The following CRAMP1 variants were observed in gnomAD, a reference collection of about 807,000 sequenced individuals.
CRAMP1 encodes the protein cramped chromatin regulator 1.
A neutral mutation model predicts 115.4 loss-of-function variants in CRAMP1; 50 were observed. The observed-to-expected ratio is 0.43, with a 90% confidence interval of 0.35 to 0.55. The LOEUF (loss-of-function observed/expected upper bound fraction) is 0.55. CRAMP1 is among the 20% of genes least tolerant of loss of function. The probability of loss-of-function intolerance (pLI) is 0.01; values close to 1 mark genes in which losing one functional copy is unlikely to be tolerated. For missense variants in CRAMP1, 1,679 were observed against 1,721.7 expected (o/e 0.98, Z 0.44); for synonymous variants, 866 against 745.4 (o/e 1.16, Z -2.64).
chr16:1,615,243 C>A (rs2036408603), intron 2 of CRAMP1, among the ~76,000 whole-genome samples: 1 of 152,330 alleles, frequency 6.6e-6, no homozygotes, highest in South Asian at 2.1e-4. Context: ...TCCCTTAAAG[C>A]TGTTTCCTTT....
At chr16:1,654,108 C>T (rs1423039578) in intron 8 of CRAMP1, among the ~76,000 whole-genome samples, 1 of 148,304 alleles carries the variant, frequency 6.7e-6, no homozygotes, top group Non-Finnish European at 1.5e-5. Flanking sequence ...GCGCCCCTGC[C>T]CTCCAGCCTG....
At position 1,669,060 on chromosome 16, in the gene CRAMP1, C is replaced by G; in HGVS notation, c.3394C>G (p.Pro1132Ala). 1 of 1,612,618 alleles carries G rather than the reference C, an allele frequency of 6.2e-7. No homozygotes were observed. Among genetic ancestry groups the G allele is most frequent in the Non-Finnish European group, 8.5e-7 (1 of 1,179,370 alleles). The change falls in exon 19 of 21, where the codon CCC (proline) becomes GCC (alanine). Residue 1132 changes from proline to alanine, a missense_variant. Pro to Ala is a conservative substitution (Grantham distance 27). Around this residue, in one of 8 missense-constraint regions of CRAMP1, gnomAD observed 709 missense variants for 741.9 expected, o/e 0.96. Coordinates refer to ENST00000397412, the MANE Select transcript of CRAMP1 (RefSeq NM_020825.4). This position sits in a 1 kb window ranked among gnomAD's most constrained non-coding sequence, Gnocchi z 4.6. ...LNGSDSSKSLPSPSSSPQPHW... is the reference protein window; with the variant it reads ...LNGSDSSKSLASPSSSPQPHW... Reference sequence around the variant, plus strand: ...TGGCAGTGACAGTTCCAAGAGCCTTCCCTCCCCGTCCAGCAGCCCCCAGCC... The same window carrying G: ...TGGCAGTGACAGTTCCAAGAGCCTTGCCTCCCCGTCCAGCAGCCCCCAGCC...
chr16:1,619,183 TTTTTG>T (rs1408496821), intron 2 of CRAMP1, among the ~76,000 whole-genome samples: 1 of 152,144 alleles, frequency 6.6e-6, no homozygotes, highest in African/African-American at 2.4e-5. Context: ...TTGTTTTTTG[TTTTTG>T]TTTTGTTTTT....
At chr16:1,642,633 G>A (rs1424285958) in intron 6 of CRAMP1, among the ~76,000 whole-genome samples, 1 of 152,198 alleles carries the variant, frequency 6.6e-6, no homozygotes, top group African/African-American at 2.4e-5. Flanking sequence ...GAGCAGCACT[G>A]GGCACATTGG....
rs910552098 is a variant in CRAMP1 at position 1,673,861 on chromosome 16, C to T, written c.3646-20C>T. 1 of 1,613,086 alleles carries T rather than the reference C, an allele frequency of 6.2e-7. No individual in the cohort carries two copies. Among genetic ancestry groups the T allele is most frequent in the Non-Finnish European group, 8.5e-7 (1 of 1,179,418 alleles). ...CAGCAGGTCGCGGTGACTTGTTCTT[C>T]CTGTCTCCTCTTCCTGCAGGTTGTG... On this transcript the variant is annotated intron_variant, in intron 20 of 20. Transcript: ENST00000397412.
Position 1,667,506 on chromosome 16 carries a change from A to C in CRAMP1, c.3102+106A>C. The C allele has an allele frequency of 8.1e-6, 7 of 859,624 alleles. No homozygotes were observed. The South Asian group carries it at 9.8e-5, about 12-fold the overall frequency. The allele number at this position is 859,624 out of a possible 1,614,324, so 53.2% of individuals were successfully genotyped here. A position where few individuals can be genotyped will look rare whatever the true frequency, so the allele number is the denominator to read the frequency against. ...TGGAGTGGCCCGGCTTCTCTCCTAGACTGTGCAGTGGCTTTGCTGTTCTTC... is the reference window on the plus strand; with the variant it reads ...TGGAGTGGCCCGGCTTCTCTCCTAGCCTGTGCAGTGGCTTTGCTGTTCTTC... On this transcript the variant is annotated intron_variant, in intron 17 of 20. Coordinates refer to ENST00000397412, the MANE Select transcript of CRAMP1 (RefSeq NM_020825.4).
rs2036759752 is a variant in CRAMP1, at chr16:1,655,135, C to T, written c.1038-84C>T. On this transcript the variant is annotated intron_variant, in intron 8 of 20. Coordinates refer to ENST00000397412, the MANE Select transcript of CRAMP1 (RefSeq NM_020825.4). ...GTCCCTTGTCTCTTTTGGCACCCTC[C>T]TGCTGTAAGCAGCCTCGGGACTCTT... 5 of 1,230,318 alleles carry T rather than the reference C, an allele frequency of 4.1e-6. No homozygotes were observed. In the South Asian group the frequency reaches 6.1e-5, roughly 15 times the overall value. 76.2% of individuals were successfully genotyped at this position (1,230,318 alleles called of 1,614,324 possible).
At chr16:1,670,504 G>C in intron 19 of CRAMP1, 160 bp from the exon 20 acceptor site, 2 of 710,088 alleles carry the variant, frequency 2.8e-6, no homozygotes, top group East Asian at 5.0e-5. Context: ...AGCTCGTCAC[G>C]GCGTGTTGAG....
At chr16:1,638,647 T>A (rs1342715137) in intron 5 of CRAMP1, among the ~76,000 whole-genome samples, 1 of 152,196 alleles carries the variant, frequency 6.6e-6, no homozygotes, top group Non-Finnish European at 1.5e-5. Flanking sequence ...AGAGCATGCC[T>A]GGGCTGTCCA....
At chr16:1,636,966 G>A (rs1014860556) in intron 4 of CRAMP1, among the ~76,000 whole-genome samples, 1 of 152,174 alleles carries the variant, frequency 6.6e-6, no homozygotes, top group Non-Finnish European at 1.5e-5. Flanking sequence ...ATGACCAGCT[G>A]TCCATGTCTC....
At chr16:1,643,802 C>T (rs2036652540) in intron 6 of CRAMP1, among the ~76,000 whole-genome samples, 1 of 152,258 alleles carries the variant, frequency 6.6e-6, no homozygotes, top group Admixed American at 6.5e-5. Context: ...TCCCCAGCTC[C>T]TCCAGGCCGC....
intron 4 of CRAMP1, among the ~76,000 whole-genome samples, chr16:1,633,106 A>C (rs568643604): frequency 6.6e-6 from 1 of 152,290 alleles, no homozygotes; most frequent in Non-Finnish European, 1.5e-5. Flanking sequence ...GATGTCTCAC[A>C]TTCTGACCCA....
chr16:1,629,107 C>T (rs1017980201), intron 3 of CRAMP1, among the ~76,000 whole-genome samples: 19 of 152,194 alleles, frequency 1.2e-4, no homozygotes, highest in Non-Finnish European at 2.6e-4. Context: ...TGCTTATATC[C>T]GTCCATCATC....
intron 11 of CRAMP1, among the ~76,000 whole-genome samples, chr16:1,661,569 G>C (rs1014139781): frequency 3.3e-5 from 5 of 151,870 alleles, no homozygotes; most frequent in African/African-American, 4.8e-5. Flanking sequence ...CCTGTGAGAG[G>C]GGGCCAGTCC....
At chr16:1,633,309 G>A (rs558181139) in intron 4 of CRAMP1, among the ~76,000 whole-genome samples, 1 of 152,350 alleles carries the variant, frequency 6.6e-6, no homozygotes, top group East Asian at 1.9e-4. Context: ...ACTGGGCAGA[G>A]CCCTGAGGGC....
chr16:1,654,768 TGGCATCTTTCACTGG>T (rs1211758050), intron 8 of CRAMP1, among the ~76,000 whole-genome samples: 1 of 152,256 alleles, frequency 6.6e-6, no homozygotes, highest in Non-Finnish European at 1.5e-5. Flanking sequence ...CCTCCGGGCC[TGGCATCTTTCACTGG>T]GCGTGATGCT....
At chr16:1,662,460 TCA>T in intron 11 of CRAMP1, 28 bp from the exon 12 acceptor site, 17 of 1,579,858 alleles carry the variant, frequency 1.1e-5, no homozygotes, top group Non-Finnish European at 1.5e-5. Flanking sequence ...GTGAATGCTG[TCA>T]CACTGATTCT....
intron 18 of CRAMP1, 75 bp from the exon 19 acceptor site, chr16:1,668,926 T>C: frequency 7.0e-7 from 1 of 1,422,218 alleles, no homozygotes. Context: ...GCCTTCTCCG[T>C]GGTGGGCTGG....
Position 1,655,216 on chromosome 16 carries a change from T to C in CRAMP1, c.1038-3T>C. The C allele has an allele frequency of 6.2e-7, 1 of 1,613,286 alleles. No homozygotes were observed. Among genetic ancestry groups the C allele is most frequent in the Non-Finnish European group, 8.5e-7 (1 of 1,179,194 alleles). ...CACTTCCTCCTGTCTGTCGTCTCCG[T>C]AGGATGATCGTGGAGCTACATCGAA... On this transcript the variant is annotated splice_region_variant and splice_polypyrimidine_tract_variant and intron_variant, in intron 8 of 20. Coordinates refer to ENST00000397412, the MANE Select transcript of CRAMP1 (RefSeq NM_020825.4).
Sources: gnomAD v4.1 joint callset for allele counts (sites outside exome capture counted in the v4.1 genomes callset) on GRCh38, gnomAD v4.1.1 for gene constraint, gnomAD v4.1.1 regional missense constraint, Gnocchi (gnomAD v3.1) non-coding constraint, MANE v1.5 for transcripts, NCBI Gene and HGNC (gene_info 2026-07-23, HGNC 2026-07-21) for gene names.